Variants in JARID2 observed in about 807,000 individuals in gnomAD.
JARID2 encodes protein Jumonji.
A neutral mutation model predicts 125.6 loss-of-function variants in JARID2; 21 were observed. The observed-to-expected ratio is 0.17, with a 90% confidence interval of 0.12 to 0.24. The LOEUF is 0.24. Among genes scored for constraint, JARID2 ranks in the 10% least tolerant of loss-of-function variants. JARID2 has a pLI of 1.00. For missense variants in JARID2, 1,303 were observed against 1,639.6 expected (o/e 0.79, Z 3.55); for synonymous variants, 736 against 661.6 (o/e 1.11, Z -1.73).
chr6:15,246,253 T>G lies in JARID2; in HGVS notation c.-287T>G. 6.4e-6 allele frequency: 3 copies of G among 467,906 alleles called. No homozygotes were observed. The highest frequency in any genetic ancestry group is 2.0e-5 in the African/African-American group (1 of 48,790). The allele number at this position is 467,906 out of a possible 1,614,324, so 29.0% of individuals were successfully genotyped here. On this transcript the variant is annotated 5_prime_UTR_variant, in exon 1 of 18. Transcript: ENST00000341776. ...AGTGAAGGGCGTCGGTTTTTTTTTG[T>G]GTGTGTGTGTATGTGTTTCGGGGGA... is the stretch of plus-strand genomic sequence containing the variant.
chr6:15,370,631 G>A (rs1290281542), intron 1 of JARID2, among the ~76,000 whole-genome samples: 2 of 151,850 alleles, frequency 1.3e-5, no homozygotes, highest in African/African-American at 2.4e-5. Flanking sequence ...GTGAGCCACC[G>A]CGCCCGGCCA....
At chr6:15,363,227 G>A (rs2127497911) in intron 1 of JARID2, among the ~76,000 whole-genome samples, 1 of 152,308 alleles carries the variant, frequency 6.6e-6, no homozygotes, top group East Asian at 1.9e-4. Flanking sequence ...TGGAAGACTA[G>A]GATGAAAGTT....
At chr6:15,327,288 G>A (rs993921095) in intron 1 of JARID2, among the ~76,000 whole-genome samples, 4 of 152,082 alleles carry the variant, frequency 2.6e-5, no homozygotes, top group African/African-American at 9.7e-5. Context: ...CTGTCACCCA[G>A]GTTGGAGTGC....
intron 6 of JARID2, among the ~76,000 whole-genome samples, chr6:15,489,615 GCCT>G (rs1391407389): frequency 6.6e-6 from 1 of 152,256 alleles, no homozygotes; most frequent in East Asian, 1.9e-4. Flanking sequence ...TACTGCCTTA[GCCT>G]GGGATGGCCC....
chr6:15,423,326 A>G (rs1026536138), intron 3 of JARID2, among the ~76,000 whole-genome samples: 13 of 152,160 alleles, frequency 8.5e-5, no homozygotes, highest in Non-Finnish European at 1.8e-4. Flanking sequence ...CATTGGAAAG[A>G]AAGCTGAGGT....
At chr6:15,506,988 C>T (rs1771035423) in intron 9 of JARID2, 148 bp from the exon 10 acceptor site, 5 of 619,366 alleles carry the variant, frequency 8.1e-6, no homozygotes, top group African/African-American at 3.7e-5. Flanking sequence ...TCTGCATTAG[C>T]GTCCTGCTGG....
At chr6:15,342,197 T>A (rs1051115640) in intron 1 of JARID2, among the ~76,000 whole-genome samples, 3 of 152,212 alleles carry the variant, frequency 2.0e-5, no homozygotes, top group Non-Finnish European at 4.4e-5. Context: ...CATCTTTCCT[T>A]GTAATTGGGT....
chr6:15,487,936 C>T (rs1444710286), intron 6 of JARID2, among the ~76,000 whole-genome samples: 4 of 151,940 alleles, frequency 2.6e-5, no homozygotes, highest in Non-Finnish European at 5.9e-5. Flanking sequence ...GTCTACTTTT[C>T]TGTTCTTTTT....
At chr6:15,305,589 G>C (rs1761790988) in intron 1 of JARID2, among the ~76,000 whole-genome samples, 2 of 152,136 alleles carry the variant, frequency 1.3e-5, no homozygotes, top group African/African-American at 4.8e-5. Context: ...CTAGAATGTG[G>C]TTCTGATGTG....
At position 15,511,277 on chromosome 6, in the gene JARID2, G is replaced by A. The variant is rs1183166498; in HGVS notation, c.2847-19G>A. On this transcript the variant is annotated intron_variant, in intron 12 of 17. Coordinates refer to ENST00000341776, the MANE Select transcript of JARID2 (RefSeq NM_004973.4). ...CTTGTCAAGTCTCTGCTTGTCTCTT[G>A]TGTCTCTCAATGACCCAGGTATTGC... 21 of 1,561,144 alleles carry A rather than the reference G, an allele frequency of 1.3e-5. No homozygotes were observed. The highest frequency in any genetic ancestry group is 4.1e-5 in the African/African-American group (3 of 73,756).
chr6:15,312,675 T>C (rs1224082571), intron 1 of JARID2, among the ~76,000 whole-genome samples: 1 of 152,206 alleles, frequency 6.6e-6, no homozygotes, highest in Admixed American at 6.5e-5. Flanking sequence ...TCCTTCCTGT[T>C]ATGGTTCAGT....
intron 1 of JARID2, among the ~76,000 whole-genome samples, chr6:15,289,237 AAAAT>A (rs556698834): frequency 5.0e-4 from 76 of 152,330 alleles, no homozygotes; most frequent in African/African-American, 1.7e-3. Flanking sequence ...GGGCGAGAGC[AAAAT>A]AAATAAATAA....
At chr6:15,402,513 A>G (rs1765477678) in intron 2 of JARID2, among the ~76,000 whole-genome samples, 1 of 152,206 alleles carries the variant, frequency 6.6e-6, no homozygotes, top group African/African-American at 2.4e-5. Flanking sequence ...TTATCTGAAC[A>G]CAAGACTTTC....
chr6:15,283,399 A>G (rs1213191149), intron 1 of JARID2, among the ~76,000 whole-genome samples: 2 of 138,954 alleles, frequency 1.4e-5, no homozygotes, highest in Non-Finnish European at 3.1e-5. Context: ...GGAGCACAAT[A>G]GCGTGATCGC....
chr6:15,454,591 C>T (rs1047900760), intron 4 of JARID2, among the ~76,000 whole-genome samples: 9 of 152,072 alleles, frequency 5.9e-5, no homozygotes, highest in African/African-American at 2.2e-4. Context: ...CATCCTTCTG[C>T]CTCAACCTCT....
At chr6:15,455,204 A>AG in intron 4 of JARID2, among the ~76,000 whole-genome samples, 1 of 152,146 alleles carries the variant, frequency 6.6e-6, no homozygotes, top group East Asian at 1.9e-4. Flanking sequence ...AAAAAAAAAA[A>AG]AAAACAATGG....
chr6:15,515,217 T>G (rs1420969883), intron 16 of JARID2, among the ~76,000 whole-genome samples: 6 of 152,200 alleles, frequency 3.9e-5, no homozygotes, highest in East Asian at 1.9e-4. Context: ...TTTTTTTTTT[T>G]TGTGGTAGAG....
At chr6:15,327,301 T>C (rs1581416617) in intron 1 of JARID2, among the ~76,000 whole-genome samples, 1 of 152,162 alleles carries the variant, frequency 6.6e-6, no homozygotes, top group African/African-American at 2.4e-5. Context: ...TGGAGTGCAG[T>C]GGTGCTATCA....
intron 2 of JARID2, among the ~76,000 whole-genome samples, chr6:15,389,934 G>A (rs573635292): frequency 7.9e-5 from 12 of 152,270 alleles, no homozygotes; most frequent in African/African-American, 2.9e-4. Context: ...GCAATTTACA[G>A]TGTATTTCTA....
Sources: allele counts gnomAD v4.1 joint callset (sites outside exome capture counted in the v4.1 genomes callset), GRCh38; gene constraint gnomAD v4.1.1; transcripts MANE v1.5; gene names NCBI Gene and HGNC (gene_info 2026-07-23, HGNC 2026-07-21).